Variants in ARHGAP6 observed in about 807,000 individuals in gnomAD.
ARHGAP6 encodes Rho GTPase activating protein 6.
A neutral mutation model predicts 55.7 loss-of-function variants in ARHGAP6; 16 were observed. That is an observed-to-expected ratio of 0.29 (90% CI 0.19 to 0.44). ARHGAP6 has a LOEUF of 0.44. Among genes scored for constraint, ARHGAP6 ranks in the 20% least tolerant of loss-of-function variants. ARHGAP6 has a pLI of 1.00. For missense variants in ARHGAP6, 698 were observed against 808.9 expected (o/e 0.86, Z 1.66); for synonymous variants, 382 against 360.9 (o/e 1.06, Z -0.66).
At chrX:11,600,052 G>A (rs1280519564) in intron 1 of ARHGAP6, among the ~76,000 whole-genome samples, 1 of 111,532 alleles carries the variant, frequency 9.0e-6, no homozygotes, top group Non-Finnish European at 1.9e-5. Flanking sequence ...ATGTTCTAGG[G>A]AAGCTCTTTT....
intron 1 of ARHGAP6, among the ~76,000 whole-genome samples, chrX:11,515,602 T>G (rs1445932295): frequency 8.9e-6 from 1 of 112,339 alleles, no homozygotes; most frequent in African/African-American, 3.2e-5. Context: ...AATATGTTTT[T>G]GGACATCTGC....
intron 1 of ARHGAP6, among the ~76,000 whole-genome samples, chrX:11,606,184 T>C (rs1334944802): frequency 1.8e-5 from 2 of 112,090 alleles, no homozygotes; most frequent in Admixed American, 9.5e-5. Context: ...ATTTAGTTTA[T>C]TGAATTTGTG....
At chrX:11,476,971 T>C (rs917475136) in intron 1 of ARHGAP6, among the ~76,000 whole-genome samples, 2 of 110,744 alleles carry the variant, frequency 1.8e-5, no homozygotes, top group African/African-American at 6.5e-5. Context: ...TATTAAAAAT[T>C]GGACTCCATC....
intron 1 of ARHGAP6, among the ~76,000 whole-genome samples, chrX:11,407,631 T>C (rs1442129676): frequency 1.8e-5 from 2 of 112,129 alleles, no homozygotes; most frequent in Non-Finnish European, 3.8e-5. Flanking sequence ...AGGGTTCTAA[T>C]TTCCCTACAT....
chrX:11,611,082 T>G (rs570022131), intron 1 of ARHGAP6, among the ~76,000 whole-genome samples: 35 of 113,009 alleles, frequency 3.1e-4, no homozygotes, highest in African/African-American at 1.1e-3. Context: ...CAACAGACAC[T>G]TGAGTTGTTT....
intron 8 of ARHGAP6, 64 bp downstream of exon 8, chrX:11,178,036 G>A: frequency 1.7e-6 from 2 of 1,189,004 alleles, no homozygotes. Context: ...CATTTTGGTG[G>A]TATGCCCTTT....
rs1389401586 is a variant in ARHGAP6 at position 11,492,233 on chromosome X, T to A, written c.588+172008A>T. ...AGTTTAATTAGATCCCATTTGTCAA[T>A]TTTGGCTTTTGTTGCCATTGCTTTT... On this transcript the variant is annotated intron_variant, in intron 1 of 12. Transcript: ENST00000337414. 3.6e-5 allele frequency among the ~76,000 whole-genome samples: 4 copies of A among 110,299 alleles called. No homozygotes were observed. In the Admixed American group the frequency reaches 3.9e-4, roughly 11 times the overall value.
At chrX:11,443,922 C>T (rs763247053) in intron 1 of ARHGAP6, among the ~76,000 whole-genome samples, 8 of 109,048 alleles carry the variant, frequency 7.3e-5, no homozygotes, top group Non-Finnish European at 1.3e-4. Flanking sequence ...AGCGAGACTC[C>T]GTCTCAAACA....
In ARHGAP6 at chrX:11,624,641, T is replaced by C. The variant is rs2052273029; in HGVS notation, c.588+39600A>G. On this transcript the variant is annotated intron_variant, in intron 1 of 12. Coordinates refer to ENST00000337414, the MANE Select transcript of ARHGAP6 (RefSeq NM_013427.3). Reference sequence around the variant, plus strand: ...CGGAGTGCTCACTGCAACTTCCGCCTCCCGGGTTCATGCCATTCTCCTGCC... The same window carrying C: ...CGGAGTGCTCACTGCAACTTCCGCCCCCCGGGTTCATGCCATTCTCCTGCC... Among the ~76,000 whole-genome samples, 5 of 112,737 alleles carry C rather than the reference T, an allele frequency of 4.4e-5. No individual in the cohort carries two copies. The South Asian group carries it at 1.9e-3, about 42-fold the overall frequency.
At chrX:11,311,192 A>G (rs1340750828) in intron 1 of ARHGAP6, among the ~76,000 whole-genome samples, 3 of 112,319 alleles carry the variant, frequency 2.7e-5, no homozygotes, top group Non-Finnish European at 5.6e-5. Context: ...AAGCAGTCCA[A>G]TGAAGAGACT....
chrX:11,621,372 TACTC>T (rs1448833371), intron 1 of ARHGAP6, among the ~76,000 whole-genome samples: 9 of 111,702 alleles, frequency 8.1e-5, no homozygotes, highest in South Asian at 3.7e-4. Context: ...ATGTTTAAAA[TACTC>T]AGGAAGATAG....
At chrX:11,166,158 CAG>C (rs758491735) in intron 9 of ARHGAP6, among the ~76,000 whole-genome samples, 16 of 111,631 alleles carry the variant, frequency 1.4e-4, no homozygotes, top group African/African-American at 3.9e-4. Flanking sequence ...CCCATTAACT[CAG>C]AGAGTGGCCA....
chrX:11,433,641 A>G (rs2049960845), intron 1 of ARHGAP6, among the ~76,000 whole-genome samples: 3 of 112,302 alleles, frequency 2.7e-5, no homozygotes, highest in Non-Finnish European at 5.6e-5. Context: ...ACAGTTGCAC[A>G]GTGTTTCAGT....
intron 2 of ARHGAP6, among the ~76,000 whole-genome samples, chrX:11,240,809 C>T (rs1346342718): frequency 9.1e-6 from 1 of 109,631 alleles, no homozygotes; most frequent in Non-Finnish European, 1.9e-5. Context: ...CTTTGGGACA[C>T]CGAGGCAGGT....
At chrX:11,514,838 GCACACACACACA>G (rs71928650) in intron 1 of ARHGAP6, among the ~76,000 whole-genome samples, 6 of 96,238 alleles carry the variant, frequency 6.2e-5, no homozygotes, top group Admixed American at 1.1e-4. Flanking sequence ...TCTATGCATT[GCACACACACACA>G]CACACACACA....
At chrX:11,544,054 A>T in intron 1 of ARHGAP6, among the ~76,000 whole-genome samples, 1 of 112,284 alleles carries the variant, frequency 8.9e-6, no homozygotes. Context: ...TTTAGAAGGT[A>T]TCTTCACTCT....
chrX:11,615,582 C>T (rs2052153564), intron 1 of ARHGAP6, among the ~76,000 whole-genome samples: 1 of 112,088 alleles, frequency 8.9e-6, no homozygotes, highest in Admixed American at 9.5e-5. Flanking sequence ...TTTCTGTACT[C>T]CCATGAGCAC....
intron 1 of ARHGAP6, among the ~76,000 whole-genome samples, chrX:11,626,687 C>T (rs1015442157): frequency 9.0e-6 from 1 of 111,624 alleles, no homozygotes; most frequent in East Asian, 2.8e-4. Context: ...AAATTCATTA[C>T]TCATTATTTT....
At chrX:11,314,499 G>A (rs1030915057) in intron 1 of ARHGAP6, among the ~76,000 whole-genome samples, 1 of 112,296 alleles carries the variant, frequency 8.9e-6, no homozygotes, top group African/African-American at 3.2e-5. Context: ...GATATCCAGT[G>A]TTCACTCTTT....
Sources: gnomAD v4.1 joint callset for allele counts (sites outside exome capture counted in the v4.1 genomes callset) on GRCh38, gnomAD v4.1.1 for gene constraint, MANE v1.5 for transcripts, NCBI Gene and HGNC (gene_info 2026-07-23, HGNC 2026-07-21) for gene names.